The following ZNRF3 variants were observed in gnomAD, a reference collection of about 807,000 sequenced individuals.
ZNRF3 encodes zinc and ring finger 3.
ZNRF3 carries 23 observed loss-of-function variants against 72.5 expected under a neutral mutation model. That is an observed-to-expected ratio of 0.32 (90% CI 0.23 to 0.45). ZNRF3 has a LOEUF of 0.45. Among genes scored for constraint, ZNRF3 ranks in the 20% least tolerant of loss-of-function variants. The probability of loss-of-function intolerance (pLI) is 1.00; values close to 1 mark genes in which losing one functional copy is unlikely to be tolerated. For missense variants in ZNRF3, 1,169 were observed against 1,272.1 expected (o/e 0.92, Z 1.23); for synonymous variants, 610 against 545.3 (o/e 1.12, Z -1.65).
intron 2 of ZNRF3, among the ~76,000 whole-genome samples, chr22:28,992,166 C>T (rs899791656): frequency 3.4e-5 from 5 of 147,778 alleles, no homozygotes; most frequent in Non-Finnish European, 7.5e-5. Context: ...CCCTCTTCCC[C>T]CCAACCCCCC....
intron 1 of ZNRF3, among the ~76,000 whole-genome samples, chr22:28,954,076 T>TG (rs2035213803): frequency 1.3e-5 from 2 of 152,090 alleles, no homozygotes; most frequent in South Asian, 4.2e-4. Context: ...TCTGTGTGTG[T>TG]TTTTTTTCAT....
intron 1 of ZNRF3, among the ~76,000 whole-genome samples, chr22:28,885,424 T>G (rs1282323891): frequency 6.6e-6 from 1 of 152,134 alleles, no homozygotes; most frequent in African/African-American, 2.4e-5. Context: ...ATGTTAATGC[T>G]TTTGGACTTA....
At chr22:28,974,003 G>A (rs937398112) in intron 1 of ZNRF3, among the ~76,000 whole-genome samples, 1 of 145,984 alleles carries the variant, frequency 6.9e-6, no homozygotes, top group African/African-American at 2.5e-5. Flanking sequence ...TGTCACCCAG[G>A]CTGAAGTACA....
At chr22:28,981,234 C>G (rs1376885033) in intron 1 of ZNRF3, among the ~76,000 whole-genome samples, 1 of 152,212 alleles carries the variant, frequency 6.6e-6, no homozygotes, top group African/African-American at 2.4e-5. Flanking sequence ...GAAGTAGTGT[C>G]TAGCTGAAAC....
In ZNRF3 at chr22:28,965,273, A is replaced by T. The variant is rs150771618; in HGVS notation, c.301-21803A>T. ...TGTTATACTTCCATAGCCGTCCCCG[A>T]CACAACTACTAAAACAGAAAATAAC... On this transcript the variant is annotated intron_variant, in intron 1 of 8. Transcript: ENST00000544604. Among the ~76,000 whole-genome samples, 1,478 of 152,330 alleles carry T rather than the reference A, an allele frequency of 9.7e-3. 10 individuals carry two copies. The highest frequency in any genetic ancestry group is 0.016 in the Non-Finnish European group (1,061 of 68,032).
chr22:29,037,081 A>C (rs1320308595), intron 2 of ZNRF3, among the ~76,000 whole-genome samples: 3 of 152,186 alleles, frequency 2.0e-5, no homozygotes, highest in Admixed American at 6.5e-5. Context: ...ATTTCCTATT[A>C]AGACTGTATT....
At chr22:29,031,588 T>A (rs1345267251) in intron 2 of ZNRF3, 1 of 985,510 alleles carries the variant, frequency 1.0e-6, no homozygotes, top group Non-Finnish European at 1.2e-6. Flanking sequence ...GGGTGGTCAC[T>A]ACTAAGTGAA....
At chr22:28,958,077 A>G (rs755581890) in intron 1 of ZNRF3, among the ~76,000 whole-genome samples, 7 of 152,020 alleles carry the variant, frequency 4.6e-5, no homozygotes, top group Non-Finnish European at 8.8e-5. Flanking sequence ...AGTCCCAGCT[A>G]CTCGGGAGGC....
intron 2 of ZNRF3, among the ~76,000 whole-genome samples, chr22:28,991,569 G>A (rs924978881): frequency 6.6e-6 from 1 of 152,066 alleles, no homozygotes; most frequent in African/African-American, 2.4e-5. Flanking sequence ...CCTGGCTTAT[G>A]GGAAATGTTG....
At position 29,055,766 on chromosome 22, in the gene ZNRF3, A is replaced by G; in HGVS notation, c.*2144A>G. The stretch of plus-strand genomic sequence containing the variant: ...GCTTTTAATATGAACTGCAAAAAGC[A>G]GCTTCTCACTGATATTTTTTTGTTG... On this transcript the variant is annotated 3_prime_UTR_variant, in exon 9 of 9. Coordinates refer to ENST00000544604, the MANE Select transcript of ZNRF3 (RefSeq NM_001206998.2). The G allele has an allele frequency of 6.6e-6, 1 of 152,040 alleles. No homozygotes were observed. Among genetic ancestry groups the G allele is most frequent in the Non-Finnish European group, 1.5e-5 (1 of 68,042 alleles). 9.4% of individuals were successfully genotyped at this position (152,040 alleles called of 1,614,324 possible).
chr22:29,003,842 A>G (rs2036195755), intron 2 of ZNRF3, among the ~76,000 whole-genome samples: 1 of 152,198 alleles, frequency 6.6e-6, no homozygotes. Context: ...AAAAAAAAGA[A>G]GTGACTGAAT....
intron 1 of ZNRF3, among the ~76,000 whole-genome samples, chr22:28,975,269 C>A (rs757343642): frequency 2.0e-5 from 3 of 151,912 alleles, no homozygotes; most frequent in Non-Finnish European, 4.4e-5. Flanking sequence ...TTTGGGAGGC[C>A]GAGGTGGGCG....
chr22:28,973,953 C>CTTTTTT (rs553300044), intron 1 of ZNRF3, among the ~76,000 whole-genome samples: 7 of 111,492 alleles, frequency 6.3e-5, no homozygotes, highest in East Asian at 2.7e-4. Context: ...CTCTCTCTCT[C>CTTTTTT]TTTTTTTTTT....
chr22:28,909,747 A>AT (rs11432409), intron 1 of ZNRF3, among the ~76,000 whole-genome samples: 65,765 of 113,852 alleles, frequency 0.58, 20,752 homozygotes, highest in Middle Eastern at 0.69. Context: ...TGCCTGGCTA[A>AT]TTTTTTTTTT....
At chr22:28,925,408 T>C (rs1464511466) in intron 1 of ZNRF3, among the ~76,000 whole-genome samples, 2 of 152,178 alleles carry the variant, frequency 1.3e-5, no homozygotes, top group Non-Finnish European at 2.9e-5. Context: ...TCTAAGCTGT[T>C]TATCCTCAAT....
chr22:29,051,022 T>G, intron 8 of ZNRF3, 74 bp downstream of exon 8: 2 of 1,450,014 alleles, frequency 1.4e-6, no homozygotes, highest in Non-Finnish European at 1.8e-6. Flanking sequence ...TCTTAGGCAT[T>G]TTCTGAATGA....
At chr22:28,948,446 G>T (rs1490440782) in intron 1 of ZNRF3, among the ~76,000 whole-genome samples, 2 of 152,248 alleles carry the variant, frequency 1.3e-5, no homozygotes, top group Non-Finnish European at 2.9e-5. Context: ...GATTACAGGT[G>T]TTGGCCCAGC....
chr22:29,010,231 A>T (rs13054095), intron 2 of ZNRF3, among the ~76,000 whole-genome samples: 2,431 of 152,020 alleles, frequency 0.016, 24 homozygotes, highest in Middle Eastern at 0.041. Flanking sequence ...CTGAAACTCC[A>T]TACCTATTAA....
At chr22:29,020,761 T>TTG (rs1313843251) in intron 2 of ZNRF3, among the ~76,000 whole-genome samples, 2 of 42,928 alleles carry the variant, frequency 4.7e-5, no homozygotes, top group African/African-American at 1.5e-4. Flanking sequence ...GGGGCTTTGT[T>TTG]TTTGTGTGTG....
Sources: gnomAD v4.1 joint callset for allele counts (sites outside exome capture counted in the v4.1 genomes callset) on GRCh38, gnomAD v4.1.1 for gene constraint, MANE v1.5 for transcripts, NCBI Gene and HGNC (gene_info 2026-07-23, HGNC 2026-07-21) for gene names.